Variants in SPOUT1 observed in about 807,000 individuals in gnomAD.
SPOUT1 encodes SPOUT domain containing methyltransferase 1, also known as 28S rRNA (uridine-N(3))-methyltransferase.
In SPOUT1, 40 loss-of-function variants were observed where a neutral mutation model predicts 54.8. The ratio of observed to expected loss-of-function variants is 0.73; its 90% CI spans 0.57 to 0.95. The LOEUF (loss-of-function observed/expected upper bound fraction) is 0.95. Among genes scored for constraint, SPOUT1 ranks in the 40% least tolerant of loss-of-function variants. The probability of loss-of-function intolerance (pLI) is 0.00; values close to 1 mark genes in which losing one functional copy is unlikely to be tolerated. For missense variants in SPOUT1, 437 were observed against 499.5 expected, an observed-to-expected ratio of 0.87 and a Z score of 1.19; for synonymous variants, 193 against 200.3, an observed-to-expected ratio of 0.96 and a Z score of 0.31.
At position 128,829,100 on chromosome 9, in the gene SPOUT1, C is replaced by A. The variant is rs763195666; in HGVS notation, c.82+10G>T. On this transcript the variant is annotated intron_variant, in intron 2 of 11. Transcript: ENST00000361256. ...CCTATGGGAAGATACTCTTACCCAC[C>A]CTTACTTACTCTGTTGCTTCCATTT... 6.2e-7 allele frequency: 1 copy of A among 1,612,800 alleles called. No individual in the cohort carries two copies. The highest frequency in any genetic ancestry group is 2.2e-5 in the East Asian group (1 of 44,892).
chr9:128,822,088 T>C lies in SPOUT1; in HGVS notation c.*677A>G, dbSNP rs1830130669. On this transcript the variant is annotated 3_prime_UTR_variant, in exon 12 of 12. Coordinates refer to ENST00000361256, the MANE Select transcript of SPOUT1 (RefSeq NM_016390.4). ...GGCTCGATTCTCCTAGCAGCGTTTA[T>C]TGTCGCCCACTCTGCCTGACCCAGT... 2 of 573,794 alleles carry C rather than the reference T, an allele frequency of 3.5e-6. No homozygotes were observed. Among genetic ancestry groups the C allele is most frequent in the Admixed American group, 3.0e-5 (1 of 32,904 alleles). 35.5% of individuals were successfully genotyped at this position (573,794 alleles called of 1,614,324 possible). A position where few individuals can be genotyped will look rare whatever the true frequency, so the allele number is the denominator to read the frequency against.
chr9:128,827,596 G>A (rs1055557862), intron 3 of SPOUT1, among the ~76,000 whole-genome samples: 1 of 152,256 alleles, frequency 6.6e-6, no homozygotes, highest in African/African-American at 2.4e-5. Flanking sequence ...TTACAGACCA[G>A]GGGCCTTCAG....
intron 11 of SPOUT1, 117 bp downstream of exon 11, chr9:128,823,630 C>T: frequency 1.1e-6 from 1 of 881,916 alleles, no homozygotes; most frequent in Non-Finnish European, 1.7e-6. Flanking sequence ...ATGAGAGGAC[C>T]ACCTCCAGAC....
rs1448935652 is a variant in SPOUT1, at chr9:128,821,654, G to T, written c.*1111C>A. On this transcript the variant is annotated 3_prime_UTR_variant, in exon 12 of 12. Coordinates refer to ENST00000361256, the MANE Select transcript of SPOUT1 (RefSeq NM_016390.4). ...GAGGGCTGGGGCTGAGAGGCAACAG[G>T]TCCAGGCTGAGCAGCTCACTCTGGA... 6.4e-6 allele frequency: 1 copy of T among 156,186 alleles called. No homozygotes were observed. The highest frequency in any genetic ancestry group is 2.4e-5 in the African/African-American group (1 of 41,474). The allele number at this position is 156,186 out of a possible 1,614,324, so 9.7% of individuals were successfully genotyped here. A position where few individuals can be genotyped will look rare whatever the true frequency, so the allele number is the denominator to read the frequency against.
chr9:128,826,753 G>GT lies in SPOUT1; in HGVS notation c.369-125_369-124insA. On this transcript the variant is annotated intron_variant, in intron 4 of 11. Coordinates refer to ENST00000361256, the MANE Select transcript of SPOUT1 (RefSeq NM_016390.4). The surrounding 1 kb of genome is among the most constrained non-coding windows in gnomAD (Gnocchi z 5.5). ...AAGGTGGGAGGATCATCTGAGTGCA[G>GT]CAAGTAGAGGCTGCAGTGAGCCATG... The GT allele has an allele frequency of 1.4e-6, 1 of 736,984 alleles. No homozygotes were observed. The highest frequency in any genetic ancestry group is 2.2e-6 in the Non-Finnish European group (1 of 454,262). 45.7% of individuals were successfully genotyped at this position (736,984 alleles called of 1,614,324 possible).
Position 128,821,159 on chromosome 9 carries a change from C to T in SPOUT1, c.*1606G>A, listed in dbSNP as rs1205403679. The T allele has an allele frequency of 2.4e-6, 1 of 409,002 alleles. No individual in the cohort carries two copies. The highest frequency in any genetic ancestry group is 2.0e-5 in the African/African-American group (1 of 49,346). The allele number at this position is 409,002 out of a possible 1,614,324, so 25.3% of individuals were successfully genotyped here. On this transcript the variant is annotated 3_prime_UTR_variant, in exon 12 of 12. Coordinates refer to ENST00000361256, the MANE Select transcript of SPOUT1 (RefSeq NM_016390.4). ...TCTTGTTCTGCCAATATGGAACCCCCCGCAGGTCTGCAGTGCACCAAGCTC... is the reference window on the plus strand; with the variant it reads ...TCTTGTTCTGCCAATATGGAACCCCTCGCAGGTCTGCAGTGCACCAAGCTC...
In SPOUT1 at chr9:128,826,959, G is replaced by C; in HGVS notation, c.368+73C>G. ...GAGCCAGGCATGTGGACGGGGCCATGGTGAAGCCTCGGCCCATCCCGGCAG... is the reference window on the plus strand; with the variant it reads ...GAGCCAGGCATGTGGACGGGGCCATCGTGAAGCCTCGGCCCATCCCGGCAG... On this transcript the variant is annotated intron_variant, in intron 4 of 11. Transcript: ENST00000361256. This position sits in a 1 kb window ranked among gnomAD's most constrained non-coding sequence, Gnocchi z 5.5. 1 of 1,479,856 alleles carries C rather than the reference G, an allele frequency of 6.8e-7. No homozygotes were observed. The highest frequency in any genetic ancestry group is 1.2e-5 in the South Asian group (1 of 82,816). 91.7% of individuals were successfully genotyped at this position (1,479,856 alleles called of 1,614,324 possible). A position where few individuals can be genotyped will look rare whatever the true frequency, so the allele number is the denominator to read the frequency against.
intron 1 of SPOUT1, among the ~76,000 whole-genome samples, chr9:128,829,388 C>T (rs1830304987): frequency 6.6e-6 from 1 of 152,166 alleles, no homozygotes; most frequent in Admixed American, 6.6e-5. Flanking sequence ...GAATGAGTTC[C>T]CACAAAACAG....
chr9:128,828,966 G>A, intron 2 of SPOUT1, 106 bp from the exon 3 acceptor site: 2 of 1,554,036 alleles, frequency 1.3e-6, no homozygotes, highest in South Asian at 1.1e-5. Flanking sequence ...CAGCAAGGGA[G>A]CCTCCCCAGG....
chr9:128,829,696 C>T (rs371828395), intron 1 of SPOUT1, 49 bp downstream of exon 1: 48 of 1,445,274 alleles, frequency 3.3e-5, no homozygotes, highest in Non-Finnish European at 4.4e-5. Context: ...CACTGGTTCT[C>T]ACGCCTCCAC....
chr9:128,822,293 GC>G lies in SPOUT1; in HGVS notation c.*471del, dbSNP rs774219238. 6.9e-6 allele frequency: 11 copies of G among 1,599,730 alleles called. No homozygotes were observed. In the African/African-American group the frequency reaches 1.2e-4, roughly 17 times the overall value. ...AAGAGGTGGCTTTGGGTTCATCCAG[GC>G]CCCCTGCCCACGTGTGCCTGGGTCT... On this transcript the variant is annotated 3_prime_UTR_variant, in exon 12 of 12. Transcript: ENST00000361256.
At position 128,822,796 on chromosome 9, in the gene SPOUT1, C is replaced by A. The variant is rs759647522; in HGVS notation, c.1100G>T (p.Gly367Val). The A allele has an allele frequency of 1.3e-6, 2 of 1,590,458 alleles. No individual in the cohort carries two copies. Among genetic ancestry groups the A allele is most frequent in the South Asian group, 2.3e-5 (2 of 87,514 alleles). ...GTGCCGGGCACCCGCCTGGATGAGG[C>A]CAGGCTGCAGGGCGGCCAGGGAGAT... ...ILISLAALQP[G>V]LIQAGARHT The change falls in exon 12 of 12, where the codon GGC becomes GTC. Residue 367 changes from glycine (G) to valine (V), a missense_variant. By Grantham distance (109) the Gly-to-Val change is moderately radical. Coordinates refer to ENST00000361256, the MANE Select transcript of SPOUT1 (RefSeq NM_016390.4).
Position 128,826,517 on chromosome 9 carries a change from G to C in SPOUT1, c.458+23C>G. The C allele has an allele frequency of 6.2e-7, 1 of 1,610,192 alleles. No homozygotes were observed. The highest frequency in any genetic ancestry group is 8.5e-7 in the Non-Finnish European group (1 of 1,176,720). On this transcript the variant is annotated intron_variant, in intron 5 of 11. Coordinates refer to ENST00000361256, the MANE Select transcript of SPOUT1 (RefSeq NM_016390.4). The surrounding 1 kb of genome is among the most constrained non-coding windows in gnomAD (Gnocchi z 5.5). The stretch of plus-strand genomic sequence containing the variant: ...CCACTTTGACACACCCCTCCCTCAT[G>C]CTTAGGGGAGTGACCCCCTTACTGT...
rs1830127713 is a variant in SPOUT1, at chr9:128,821,950, G to C, written c.*815C>G. The C allele has an allele frequency of 1.2e-5, 3 of 247,140 alleles. No homozygotes were observed. In the Admixed American group the frequency reaches 1.5e-4, roughly 13 times the overall value. 15.3% of individuals were successfully genotyped at this position (247,140 alleles called of 1,614,324 possible). A position where few individuals can be genotyped will look rare whatever the true frequency, so the allele number is the denominator to read the frequency against. On this transcript the variant is annotated 3_prime_UTR_variant, in exon 12 of 12. Transcript: ENST00000361256. ...GCCCCCGTCCGGTGTCCTGGCACCTGTGCTGGTGCTGGGATATCACCTGTC... is the reference window on the plus strand; with the variant it reads ...GCCCCCGTCCGGTGTCCTGGCACCTCTGCTGGTGCTGGGATATCACCTGTC...
At chr9:128,823,316 G>A (rs1184124106) in intron 11 of SPOUT1, among the ~76,000 whole-genome samples, 2 of 152,142 alleles carry the variant, frequency 1.3e-5, no homozygotes, top group Non-Finnish European at 2.9e-5. Context: ...CCCCAAAAGT[G>A]GGTACACAGG....
intron 11 of SPOUT1, 81 bp downstream of exon 11, chr9:128,823,666 G>T: frequency 7.6e-7 from 1 of 1,316,502 alleles, no homozygotes. Context: ...AAGGGTGGGT[G>T]ACAGGGCAAG....
rs1428992863 is a variant in SPOUT1, at chr9:128,826,250, G to A, written c.509-98C>T. 5 of 1,549,408 alleles carry A rather than the reference G, an allele frequency of 3.2e-6. No individual in the cohort carries two copies. The highest frequency in any genetic ancestry group is 1.4e-5 in the African/African-American group (1 of 73,734). ...AGTACCGGCTCTGCCACAGACCTGC[G>A]TCTTGGCATCAGACACAGGTCTTGC... On this transcript the variant is annotated intron_variant, in intron 6 of 11. Coordinates refer to ENST00000361256, the MANE Select transcript of SPOUT1 (RefSeq NM_016390.4). This position sits in a 1 kb window ranked among gnomAD's most constrained non-coding sequence, Gnocchi z 5.5.
chr9:128,824,152 G>T lies in SPOUT1; in HGVS notation c.834C>A (p.Pro278=). 6.2e-7 allele frequency: 1 copy of T among 1,613,128 alleles called. No homozygotes were observed. The change falls in exon 10 of 12, where the codon CCC becomes CCA. Residue 278 remains proline, a synonymous_variant. Transcript: ENST00000361256. ...SCLSAVFAEA[P]FQDGYDLTIG... is the part of the protein sequence containing the mutation. ...TGGTCAGGTCATACCCATCTTGGAA[G>T]GGGGCCTCAGCAAACACAGCACCTG...
In SPOUT1 at chr9:128,826,364, G is replaced by GA. The variant is rs201242146; in HGVS notation, c.508+19_508+20insT. The GA allele has an allele frequency of 4.8e-3, 7,687 of 1,612,354 alleles. 169 individuals are homozygous for GA. In the East Asian group the frequency reaches 0.058, roughly 12 times the overall value. On this transcript the variant is annotated intron_variant, in intron 6 of 11. Coordinates refer to ENST00000361256, the MANE Select transcript of SPOUT1 (RefSeq NM_016390.4). The surrounding 1 kb of genome is among the most constrained non-coding windows in gnomAD (Gnocchi z 5.5). Reference sequence around the variant, plus strand: ...GGCATGATCCAGGGGAAATGGGGGGGCGGGCCCATACAGCGTTACCTGCAA... The same window carrying GA: ...GGCATGATCCAGGGGAAATGGGGGGGACGGGCCCATACAGCGTTACCTGCAA...
Sources: gnomAD v4.1 joint callset for allele counts (sites outside exome capture counted in the v4.1 genomes callset) on GRCh38, gnomAD v4.1.1 for gene constraint, Gnocchi (gnomAD v3.1) non-coding constraint, MANE v1.5 for transcripts, NCBI Gene and HGNC (gene_info 2026-07-23, HGNC 2026-07-21) for gene names.